The following PTPRD variants were observed in gnomAD, a reference collection of about 807,000 sequenced individuals.
PTPRD encodes receptor-type tyrosine-protein phosphatase delta.
Under a neutral mutation model 214.5 loss-of-function variants are expected in PTPRD, and 34 were observed. The observed-to-expected ratio is 0.16, with a 90% CI of 0.12 to 0.21. PTPRD has a LOEUF of 0.21. PTPRD is among the 10% of genes least tolerant of loss of function. The pLI is 1.00. For missense variants in PTPRD, 2,545 were observed against 2,398.7 expected (o/e 1.06, Z -1.27); for synonymous variants, 1,128 against 845.7 (o/e 1.33, Z -5.79).
intron 3 of PTPRD, among the ~76,000 whole-genome samples, chr9:10,310,928 T>C (rs2096250657): frequency 6.6e-6 from 1 of 152,054 alleles, no homozygotes; most frequent in Admixed American, 6.6e-5. Context: ...TCCAGTAACC[T>C]GCTGTACCTA....
intron 10 of PTPRD, among the ~76,000 whole-genome samples, chr9:9,114,223 T>C (rs2099809960): frequency 6.6e-6 from 1 of 152,190 alleles, no homozygotes; most frequent in Non-Finnish European, 1.5e-5. Flanking sequence ...TACAGGGTAG[T>C]TCGGGTGCAA....
intron 14 of PTPRD, among the ~76,000 whole-genome samples, chr9:8,575,000 C>G (rs555777581): frequency 7.2e-5 from 11 of 151,982 alleles, no homozygotes; most frequent in African/African-American, 2.2e-4. Flanking sequence ...AATAAAGGCA[C>G]AAGATAATTT....
chr9:8,534,638 T>C (rs868657772), intron 14 of PTPRD, among the ~76,000 whole-genome samples: 65 of 149,962 alleles, frequency 4.3e-4, no homozygotes, highest in African/African-American at 1.0e-3. Flanking sequence ...TATATATATA[T>C]ACACACACAC....
intron 9 of PTPRD, among the ~76,000 whole-genome samples, chr9:9,385,717 C>G (rs4400438): frequency 0.23 from 35,318 of 151,994 alleles, 4,193 homozygotes; most frequent in Middle Eastern, 0.37. Flanking sequence ...AAACCATGTA[C>G]TTTTCTATGT....
intron 2 of PTPRD, among the ~76,000 whole-genome samples, chr9:10,429,112 A>T (rs1048778848): frequency 6.6e-6 from 1 of 152,050 alleles, no homozygotes; most frequent in African/African-American, 2.4e-5. Context: ...AGAACTAGAA[A>T]ATAACTACAG....
At chr9:9,597,996 A>G (rs540216644) in intron 7 of PTPRD, among the ~76,000 whole-genome samples, 4 of 152,130 alleles carry the variant, frequency 2.6e-5, no homozygotes, top group Non-Finnish European at 4.4e-5. Flanking sequence ...AAAACCATGT[A>G]TCCTGATTAA....
intron 9 of PTPRD, among the ~76,000 whole-genome samples, chr9:9,183,890 C>T (rs551785711): frequency 6.6e-6 from 1 of 152,096 alleles, no homozygotes; most frequent in Admixed American, 6.6e-5. Flanking sequence ...ATAAGCATTA[C>T]ATTTATGTTT....
At chr9:10,104,008 C>G (rs996360358) in intron 3 of PTPRD, among the ~76,000 whole-genome samples, 2 of 151,630 alleles carry the variant, frequency 1.3e-5, no homozygotes, top group African/African-American at 4.8e-5. Context: ...CATTCTGACA[C>G]ATACCACCAT....
chr9:10,312,051 T>G (rs1182206374), intron 3 of PTPRD, among the ~76,000 whole-genome samples: 1 of 151,988 alleles, frequency 6.6e-6, no homozygotes, highest in East Asian at 1.9e-4. Flanking sequence ...ATTGTTATTA[T>G]TCACCTTTGA....
At chr9:10,084,528 G>T (rs891265762) in intron 3 of PTPRD, among the ~76,000 whole-genome samples, 3 of 151,808 alleles carry the variant, frequency 2.0e-5, no homozygotes, top group African/African-American at 7.2e-5. Flanking sequence ...ACATTATTCT[G>T]CATGAGTAGC....
At chr9:9,396,393 G>A (rs150637667) in intron 9 of PTPRD, among the ~76,000 whole-genome samples, 50 of 152,048 alleles carry the variant, frequency 3.3e-4, no homozygotes, top group Middle Eastern at 3.4e-3. Context: ...CAGAATCTGC[G>A]TTTTGAAAAG....
At chr9:9,874,726 C>T (rs910630256) in intron 5 of PTPRD, among the ~76,000 whole-genome samples, 2 of 152,120 alleles carry the variant, frequency 1.3e-5, no homozygotes, top group African/African-American at 2.4e-5. Context: ...CAGCACAAGA[C>T]GGTCTCCCTA....
intron 14 of PTPRD, among the ~76,000 whole-genome samples, chr9:8,574,523 A>G (rs2091947034): frequency 6.6e-6 from 1 of 152,080 alleles, no homozygotes; most frequent in Admixed American, 6.6e-5. Flanking sequence ...CAGCAGCTGG[A>G]AAACACCTAG....
chr9:9,075,839 T>C (rs1453513880), intron 10 of PTPRD, among the ~76,000 whole-genome samples: 1 of 152,222 alleles, frequency 6.6e-6, no homozygotes, highest in African/African-American at 2.4e-5. Flanking sequence ...TTTCCAAGTC[T>C]TTGCTATTGT....
intron 12 of PTPRD, among the ~76,000 whole-genome samples, chr9:8,688,588 T>A (rs550451124): frequency 7.8e-4 from 114 of 145,674 alleles, no homozygotes; most frequent in South Asian, 2.0e-3. Context: ...AAGAAAAAAA[T>A]ATATATAAGA....
At chr9:8,808,652 C>G (rs1266171867) in intron 11 of PTPRD, among the ~76,000 whole-genome samples, 2 of 151,800 alleles carry the variant, frequency 1.3e-5, no homozygotes, top group South Asian at 2.1e-4. Flanking sequence ...AAATAACAAT[C>G]AAAATAATAT....
At chr9:10,330,021 A>T (rs567321260) in intron 3 of PTPRD, among the ~76,000 whole-genome samples, 1 of 152,002 alleles carries the variant, frequency 6.6e-6, no homozygotes, top group East Asian at 1.9e-4. Context: ...ACTCTAGTAG[A>T]CATCTATAGA....
chr9:10,436,735 T>G (rs1437411574), intron 2 of PTPRD, among the ~76,000 whole-genome samples: 1 of 151,756 alleles, frequency 6.6e-6, no homozygotes, highest in Non-Finnish European at 1.5e-5. Flanking sequence ...TATTATTTCC[T>G]GTTTTATTTG....
chr9:8,503,304 G>A (rs1485186240), intron 23 of PTPRD, among the ~76,000 whole-genome samples: 2 of 152,024 alleles, frequency 1.3e-5, no homozygotes, highest in African/African-American at 2.4e-5. Context: ...GGTTAACAGA[G>A]CATCTTCTTG....
Sources: gnomAD v4.1 joint callset for allele counts (sites outside exome capture counted in the v4.1 genomes callset) on GRCh38, gnomAD v4.1.1 for gene constraint, MANE v1.5 for transcripts, NCBI Gene and HGNC (gene_info 2026-07-23, HGNC 2026-07-21) for gene names.